The following TM4SF18 variants were observed in gnomAD, a reference collection of about 807,000 sequenced individuals.
TM4SF18 encodes transmembrane 4 L6 family member 18.
In TM4SF18, 22 loss-of-function variants were observed where a neutral mutation model predicts 23.8. That is an observed-to-expected ratio of 0.92 (90% CI 0.66 to 1.32). The LOEUF is 1.32. Among genes scored for constraint, TM4SF18 ranks in the 40% most tolerant of loss-of-function variants. The pLI, the probability that TM4SF18 is intolerant of heterozygous loss-of-function variation, is 0.00. For synonymous variants in TM4SF18, 87 were observed against 87.9 expected (o/e 0.99, Z 0.06); for missense variants, 255 against 240.3 (o/e 1.06, Z -0.41).
chr3:149,325,159 TAA>T, intron 3 of TM4SF18, 137 bp from the exon 4 acceptor site: 9 of 629,750 alleles, frequency 1.4e-5, no homozygotes, highest in Admixed American at 3.7e-5. Context: ...CACATAGAAA[TAA>T]AAAAAAAAGT....
At chr3:149,324,232 G>C (rs1730881691) in intron 4 of TM4SF18, among the ~76,000 whole-genome samples, 1 of 152,140 alleles carries the variant, frequency 6.6e-6, no homozygotes, top group African/African-American at 2.4e-5. Flanking sequence ...TGAGATCCGG[G>C]ATTGGGTTGT....
intron 5 of TM4SF18, among the ~76,000 whole-genome samples, chr3:149,321,924 G>A (rs73168808): frequency 0.01 from 1,563 of 152,194 alleles, 20 homozygotes; most frequent in Non-Finnish European, 0.013. Flanking sequence ...TTATGAACAG[G>A]GAAATTCTTG....
intron 3 of TM4SF18, among the ~76,000 whole-genome samples, chr3:149,327,863 A>G (rs1168761498): frequency 3.9e-5 from 6 of 152,114 alleles, no homozygotes; most frequent in African/African-American, 1.2e-4. Flanking sequence ...ACACACTACA[A>G]TCTAATGAGT....
intron 1 of TM4SF18, 31 bp downstream of exon 1, chr3:149,333,482 C>A: frequency 4.3e-6 from 1 of 235,256 alleles, no homozygotes; most frequent in Non-Finnish European, 6.8e-6. Context: ...CTCTCTCTCT[C>A]TTTTTTTTTT....
At chr3:149,331,729 C>G (rs1731091474) in intron 2 of TM4SF18, among the ~76,000 whole-genome samples, 1 of 152,144 alleles carries the variant, frequency 6.6e-6, no homozygotes, top group Non-Finnish European at 1.5e-5. Context: ...ATAATTCCAC[C>G]ACCCTCGTGA....
At chr3:149,322,786 C>A (rs1398633569) in intron 4 of TM4SF18, among the ~76,000 whole-genome samples, 1 of 151,866 alleles carries the variant, frequency 6.6e-6, no homozygotes, top group Non-Finnish European at 1.5e-5. Flanking sequence ...CTGAGAATTT[C>A]TTTATATTGT....
At chr3:149,324,675 G>A (rs1391687381) in intron 4 of TM4SF18, 1 of 591,996 alleles carries the variant, frequency 1.7e-6, no homozygotes, top group Non-Finnish European at 3.0e-6. Context: ...AATGAAAATG[G>A]CATTAAAAGA....
intron 2 of TM4SF18, among the ~76,000 whole-genome samples, chr3:149,331,302 A>G (rs1731081691): frequency 6.6e-6 from 1 of 152,100 alleles, no homozygotes; most frequent in South Asian, 2.1e-4. Context: ...CCTTTCTCCT[A>G]AAAGGATTTG....
chr3:149,323,559 A>G (rs1196706271), intron 4 of TM4SF18, among the ~76,000 whole-genome samples: 1 of 152,226 alleles, frequency 6.6e-6, no homozygotes, highest in Non-Finnish European at 1.5e-5. Flanking sequence ...TTTCATGGAC[A>G]TTTATCAGTT....
intron 2 of TM4SF18, among the ~76,000 whole-genome samples, chr3:149,332,924 G>A (rs774832600): frequency 5.9e-5 from 9 of 151,842 alleles, no homozygotes; most frequent in Non-Finnish European, 1.0e-4. Flanking sequence ...TGATATGCAG[G>A]GTTCATGAGA....
chr3:149,322,378 A>G lies in TM4SF18; in HGVS notation c.469T>C (p.Trp157Arg), dbSNP rs767982130. The G allele has an allele frequency of 1.2e-6, 2 of 1,614,002 alleles. No homozygotes were observed. The highest frequency in any genetic ancestry group is 2.2e-5 in the South Asian group (2 of 91,064). Residue 157 changes from tryptophan (W) to arginine (R), a missense_variant, in exon 5 of 6, where the codon TGG (tryptophan) becomes CGG (arginine). Transcript: ENST00000296059. ...QCLEPAHVVE[W>R]NIILFSILIT... ...AGAATGGAAAATAAAATGATGTTCC[A>G]CTCCACAACATGTGCAGGTTCCAGG...
rs1730741212 is a variant in TM4SF18 at position 149,319,061 on chromosome 3, CA to C, written c.*2416del. On this transcript the variant is annotated 3_prime_UTR_variant, in exon 6 of 6. Coordinates refer to ENST00000296059, the MANE Select transcript of TM4SF18 (RefSeq NM_138786.4). Reference sequence around the variant, plus strand: ...AATTTAATTTTCCTGATAGAGGTATCATGCTGCATTTGGCTGTACCCCTGAT... The same window carrying C: ...AATTTAATTTTCCTGATAGAGGTATCTGCTGCATTTGGCTGTACCCCTGAT... The C allele has an allele frequency of 6.6e-6, 1 of 152,138 alleles. No homozygotes were observed. Among genetic ancestry groups the C allele is most frequent in the South Asian group, 2.1e-4 (1 of 4,830 alleles). 9.4% of individuals were successfully genotyped at this position (152,138 alleles called of 1,614,324 possible). A position where few individuals can be genotyped will look rare whatever the true frequency, so the allele number is the denominator to read the frequency against.
rs1215681680 is a variant in TM4SF18 at position 149,320,332 on chromosome 3, T to G, written c.*1146A>C. On this transcript the variant is annotated 3_prime_UTR_variant, in exon 6 of 6. Transcript: ENST00000296059. Reference sequence around the variant, plus strand: ...GGTCCTATGCATGGTGGGAAATATATAAGATGTGGCTACTGTCCCCGAGGA... The same window carrying G: ...GGTCCTATGCATGGTGGGAAATATAGAAGATGTGGCTACTGTCCCCGAGGA... 1.3e-4 allele frequency: 20 copies of G among 152,202 alleles called. No individual in the cohort carries two copies. The highest frequency in any genetic ancestry group is 2.9e-4 in the Non-Finnish European group (20 of 68,038). 9.4% of individuals were successfully genotyped at this position (152,202 alleles called of 1,614,324 possible). A position where few individuals can be genotyped will look rare whatever the true frequency, so the allele number is the denominator to read the frequency against.
intron 4 of TM4SF18, 195 bp downstream of exon 4, chr3:149,324,685 A>C: frequency 1.5e-6 from 1 of 645,722 alleles, no homozygotes; most frequent in Non-Finnish European, 2.6e-6. Flanking sequence ...GCATTAAAAG[A>C]CTGAAGAAAA....
intron 2 of TM4SF18, among the ~76,000 whole-genome samples, chr3:149,332,430 T>C (rs1183552608): frequency 6.6e-6 from 1 of 152,170 alleles, no homozygotes; most frequent in East Asian, 1.9e-4. Context: ...GCCAACATGA[T>C]TTACTCTCAG....
chr3:149,330,071 A>G (rs1731056436), intron 3 of TM4SF18: 2 of 259,064 alleles, frequency 7.7e-6, no homozygotes, highest in African/African-American at 4.4e-5. Context: ...AGACTAATGG[A>G]AACTTAGTTA....
intron 3 of TM4SF18, among the ~76,000 whole-genome samples, chr3:149,326,858 C>T (rs1253580473): frequency 6.6e-6 from 1 of 152,204 alleles, no homozygotes; most frequent in Non-Finnish European, 1.5e-5. Context: ...ATTCTTTGAA[C>T]ATTTTCTTGC....
chr3:149,333,200 A>G lies in TM4SF18; in HGVS notation c.177+6T>C. ...TTCTCTCCCAAGTCTCCAAATTCAT[A>G]CTTACCATGATGCCTGAGAAACAGA... On this transcript the variant is annotated splice_donor_region_variant and intron_variant, in intron 2 of 5. Coordinates refer to ENST00000296059, the MANE Select transcript of TM4SF18 (RefSeq NM_138786.4). The G allele has an allele frequency of 1.9e-6, 3 of 1,607,850 alleles. No homozygotes were observed. Among genetic ancestry groups the G allele is most frequent in the East Asian group, 2.2e-5 (1 of 44,746 alleles).
chr3:149,324,917 CAA>C lies in TM4SF18; in HGVS notation c.371_372del (p.Leu124ArgfsTer8). On this transcript the variant is annotated frameshift_variant, in exon 4 of 6. Transcript: ENST00000296059. LOFTEE classifies it high-confidence loss of function. ...GLVQGPYCRT[L>X]DGWEYAFEGT... ...CCTTCAAAAGCATACTCCCAGCCAT[CAA>C]GGGTGCGGCAATATGGCCCTTGGAC... The C allele has an allele frequency of 6.2e-7, 1 of 1,614,152 alleles. No homozygotes were observed. The highest frequency in any genetic ancestry group is 8.5e-7 in the Non-Finnish European group (1 of 1,180,022).
Sources: gnomAD v4.1 joint callset for allele counts (sites outside exome capture counted in the v4.1 genomes callset) on GRCh38, gnomAD v4.1.1 for gene constraint, MANE v1.5 for transcripts, NCBI Gene and HGNC (gene_info 2026-07-23, HGNC 2026-07-21) for gene names.